FAM91A1: variants seen among roughly 807,000 people sequenced by gnomAD.
FAM91A1 encodes the protein protein FAM91A1.
Under a neutral mutation model 113.5 loss-of-function variants are expected in FAM91A1, and 41 were observed. The observed-to-expected ratio is 0.36, with a 90% CI of 0.28 to 0.47. The LOEUF is 0.47. Among genes scored for constraint, FAM91A1 ranks in the 20% least tolerant of loss-of-function variants. FAM91A1 has a pLI of 1.00. For missense variants in FAM91A1, 696 were observed against 1,001.2 expected (o/e 0.70, Z 4.11); for synonymous variants, 307 against 347.9 (o/e 0.88, Z 1.31).
chr8:123,797,853 A>T (rs1294359975), intron 15 of FAM91A1, among the ~76,000 whole-genome samples: 2 of 152,156 alleles, frequency 1.3e-5, no homozygotes, highest in African/African-American at 2.4e-5. Context: ...ATCTTGTTGC[A>T]GTAAAAAGTA....
chr8:123,794,785 G>T (rs961674867), intron 15 of FAM91A1, among the ~76,000 whole-genome samples: 1 of 152,208 alleles, frequency 6.6e-6, no homozygotes, highest in Non-Finnish European at 1.5e-5. Context: ...ATTCTCCCAA[G>T]AAGCGGAGAA....
chr8:123,811,857 GT>G (rs910535124), intron 23 of FAM91A1, among the ~76,000 whole-genome samples: 2 of 151,742 alleles, frequency 1.3e-5, no homozygotes, highest in Non-Finnish European at 2.9e-5. Flanking sequence ...GTTTTGTAAG[GT>G]TTTTTTTGTT....
At chr8:123,797,299 C>T (rs760508373) in intron 15 of FAM91A1, among the ~76,000 whole-genome samples, 8 of 152,164 alleles carry the variant, frequency 5.3e-5, no homozygotes, top group Middle Eastern at 3.4e-3. Context: ...AAGCAGATGG[C>T]GGAAGAAGGA....
chr8:123,770,192 C>A (rs56045431), intron 1 of FAM91A1, among the ~76,000 whole-genome samples: 2 of 152,178 alleles, frequency 1.3e-5, no homozygotes, highest in African/African-American at 2.4e-5. Context: ...ACCTCATGAT[C>A]CGCCCGTCTC....
At chr8:123,810,379 T>TA in intron 23 of FAM91A1, 28 bp downstream of exon 23, 1 of 1,599,138 alleles carries the variant, frequency 6.3e-7, no homozygotes, top group Non-Finnish European at 8.6e-7. Flanking sequence ...GTCCAAATGG[T>TA]ACTTGTACTG....
chr8:123,798,338 C>A, intron 16 of FAM91A1, 100 bp downstream of exon 16: 1 of 1,345,146 alleles, frequency 7.4e-7, no homozygotes, highest in East Asian at 2.5e-5. Context: ...ATCACTGAAT[C>A]ATAGAAAGCA....
At chr8:123,790,720 A>G (rs1269113487) in intron 15 of FAM91A1, among the ~76,000 whole-genome samples, 3 of 152,190 alleles carry the variant, frequency 2.0e-5, no homozygotes, top group East Asian at 3.8e-4. Context: ...GAGAACAAAC[A>G]TGCTGGGTAG....
intron 15 of FAM91A1, among the ~76,000 whole-genome samples, chr8:123,795,655 G>A: frequency 6.6e-6 from 1 of 152,162 alleles, no homozygotes. Context: ...TTATAGCAAT[G>A]CAAGAACGGA....
chr8:123,782,541 T>C (rs1815150183), intron 8 of FAM91A1, among the ~76,000 whole-genome samples: 1 of 152,252 alleles, frequency 6.6e-6, no homozygotes, highest in Non-Finnish European at 1.5e-5. Context: ...CATCAAATTT[T>C]CTAACTGTAT....
chr8:123,785,507 C>T (rs1358033671), intron 10 of FAM91A1, 122 bp from the exon 11 acceptor site: 2 of 690,478 alleles, frequency 2.9e-6, no homozygotes, highest in African/African-American at 1.9e-5. Flanking sequence ...AAAATAGTTT[C>T]TGGTTACGGG....
chr8:123,772,329 ATGTG>A (rs1171245893), intron 1 of FAM91A1, among the ~76,000 whole-genome samples: 2 of 152,214 alleles, frequency 1.3e-5, no homozygotes, highest in Non-Finnish European at 2.9e-5. Context: ...TTGAGTATGC[ATGTG>A]TGTGTATTTG....
intron 21 of FAM91A1, 29 bp downstream of exon 21, chr8:123,808,405 A>G (rs1563649997): frequency 6.4e-7 from 1 of 1,571,500 alleles, no homozygotes; most frequent in African/African-American, 1.4e-5. Context: ...TTCCAATTTT[A>G]TTAGACTAAT....
rs1814765879 is a variant in FAM91A1, at chr8:123,768,691, G to T, written c.-12G>T. 2.5e-6 allele frequency: 4 copies of T among 1,587,544 alleles called. No homozygotes were observed. The highest frequency in any genetic ancestry group is 2.7e-5 in the African/African-American group (2 of 73,496). ...GGTGGCGGCCCCGGCCGCCGGCCCT[G>T]GCCGCGGCATCATGAACATAGACGT... On this transcript the variant is annotated 5_prime_UTR_variant, in exon 1 of 24. Coordinates refer to ENST00000334705, the MANE Select transcript of FAM91A1 (RefSeq NM_144963.4).
intron 15 of FAM91A1, among the ~76,000 whole-genome samples, chr8:123,790,889 G>A (rs1257838106): frequency 6.6e-6 from 1 of 152,180 alleles, no homozygotes; most frequent in Non-Finnish European, 1.5e-5. Flanking sequence ...AATGCCGAGA[G>A]TCCTAAGCAC....
chr8:123,801,684 A>G (rs924767028), intron 18 of FAM91A1, among the ~76,000 whole-genome samples: 1 of 152,232 alleles, frequency 6.6e-6, no homozygotes, highest in African/African-American at 2.4e-5. Flanking sequence ...CCTTGGGGCA[A>G]GGAGAAGGGC....
chr8:123,777,466 A>G, intron 4 of FAM91A1, 144 bp downstream of exon 4: 1 of 693,444 alleles, frequency 1.4e-6, no homozygotes, highest in Non-Finnish European at 2.4e-6. Flanking sequence ...TGAGAATTTT[A>G]TCAGATGATA....
At chr8:123,779,898 A>G in intron 6 of FAM91A1, 87 bp from the exon 7 acceptor site, 1 of 1,054,598 alleles carries the variant, frequency 9.5e-7, no homozygotes, top group East Asian at 2.5e-5. Flanking sequence ...ACATGTAATC[A>G]CTGGTTTCAA....
intron 1 of FAM91A1, among the ~76,000 whole-genome samples, chr8:123,769,616 ACCACCTACTAGGTGCTGTGCGTTGCT>A (rs1385031364): frequency 1.4e-4 from 21 of 152,322 alleles, no homozygotes; most frequent in Non-Finnish European, 2.9e-5. Flanking sequence ...ATATTTATTG[ACCACCTACTAGGTGCTGTGCGTTGCT>A]CTAGGTGCAG....
rs1815626671 is a variant in FAM91A1, at chr8:123,799,631, C to G, written c.1672C>G (p.Arg558Gly). Residue 558 changes from arginine to glycine, a missense_variant, in exon 17 of 24, where the codon CGA becomes GGA. Coordinates refer to ENST00000334705, the MANE Select transcript of FAM91A1 (RefSeq NM_144963.4). ...SLLLSKGTRLRKLPDIFQSYD... is the reference protein window; with the variant it reads ...SLLLSKGTRLGKLPDIFQSYD... ...TTTATTGTCCAAAGGTACAAGACTTCGAAAACTGCCAGATATATTTCAGGT... is the reference window on the plus strand; with the variant it reads ...TTTATTGTCCAAAGGTACAAGACTTGGAAAACTGCCAGATATATTTCAGGT... 2.5e-6 allele frequency: 4 copies of G among 1,613,834 alleles called. No homozygotes were observed. Among genetic ancestry groups the G allele is most frequent in the Admixed American group, 3.3e-5 (2 of 59,972 alleles).
Sources: allele counts gnomAD v4.1 joint callset (sites outside exome capture counted in the v4.1 genomes callset), GRCh38; gene constraint gnomAD v4.1.1; transcripts MANE v1.5; gene names NCBI Gene and HGNC (gene_info 2026-07-23, HGNC 2026-07-21).